The following NEK11 variants were observed in gnomAD, a reference collection of about 807,000 sequenced individuals.
NEK11 encodes serine/threonine-protein kinase Nek11.
Under a neutral mutation model 80.7 loss-of-function variants are expected in NEK11, and 72 were observed. That is an observed-to-expected ratio of 0.89 (90% CI 0.74 to 1.08). The LOEUF is 1.08. Ranked by LOEUF, NEK11 falls within the 50% of genes least tolerant of loss-of-function variation. NEK11 has a pLI of 0.00. For synonymous variants in NEK11, 251 were observed against 260.7 expected (o/e 0.96, Z 0.36); for missense variants, 764 against 763.6 (o/e 1.00, Z -0.01).
In NEK11 at chr3:131,216,400, G is replaced by A. The variant is rs150053185; in HGVS notation, c.1400-12128G>A. On this transcript the variant is annotated intron_variant, in intron 14 of 17. Transcript: ENST00000383366. ...TTTTATACTCAATTTTATTGGCAGC[G>A]AGGGCCTCATTGAAAGGGGAGAGTC... Among the ~76,000 whole-genome samples, 135 of 152,338 alleles carry A rather than the reference G, an allele frequency of 8.9e-4. 1 individual carries two copies. The highest frequency in any genetic ancestry group is 3.0e-3 in the African/African-American group (126 of 41,574).
At chr3:131,225,319 G>A (rs2095159421) in intron 14 of NEK11, among the ~76,000 whole-genome samples, 1 of 152,182 alleles carries the variant, frequency 6.6e-6, no homozygotes, top group Non-Finnish European at 1.5e-5. Flanking sequence ...AAACATAGAT[G>A]TGTAGTAGGT....
chr3:131,040,589 C>G (rs2066332140), intron 3 of NEK11, among the ~76,000 whole-genome samples: 1 of 152,174 alleles, frequency 6.6e-6, no homozygotes, highest in Admixed American at 6.5e-5. Context: ...TAATGATAAT[C>G]ATTATGAAAC....
intron 17 of NEK11, among the ~76,000 whole-genome samples, chr3:131,347,419 T>C (rs941020086): frequency 6.6e-6 from 1 of 152,210 alleles, no homozygotes; most frequent in Non-Finnish European, 1.5e-5. Flanking sequence ...TGCATTGTCA[T>C]GACCAGCCTT....
chr3:131,055,837 C>T (rs1282585310), intron 3 of NEK11, among the ~76,000 whole-genome samples: 1 of 152,130 alleles, frequency 6.6e-6, no homozygotes, highest in East Asian at 1.9e-4. Flanking sequence ...TGGTATTAAA[C>T]AGCAGTAAAT....
At chr3:131,235,681 C>G (rs765741506) in intron 15 of NEK11, among the ~76,000 whole-genome samples, 1 of 152,068 alleles carries the variant, frequency 6.6e-6, no homozygotes, top group Non-Finnish European at 1.5e-5. Context: ...TGTGCCAAAC[C>G]CTTTACATGC....
intron 17 of NEK11, among the ~76,000 whole-genome samples, chr3:131,345,256 A>G (rs982657955): frequency 1.3e-5 from 2 of 152,226 alleles, no homozygotes; most frequent in African/African-American, 4.8e-5. Context: ...GGAAAAGACA[A>G]CCTACAGACT....
chr3:131,231,553 T>C lies in NEK11; in HGVS notation c.1560+2865T>C, dbSNP rs748507588. Among the ~76,000 whole-genome samples the C allele has an allele frequency of 4.0e-4, 61 of 151,434 alleles. 1 individual carries two copies. The highest frequency in any genetic ancestry group is 1.2e-3 in the African/African-American group (49 of 41,332). On this transcript the variant is annotated intron_variant, in intron 15 of 17. Transcript: ENST00000383366. The stretch of plus-strand genomic sequence containing the variant: ...TTAGCAAAAAATAGAGTAATTTGTT[T>C]AGAGTAGCAAAAACAATTACACAAT...
chr3:131,079,927 G>A (rs1314010462), intron 3 of NEK11, among the ~76,000 whole-genome samples: 1 of 152,022 alleles, frequency 6.6e-6, no homozygotes, highest in Non-Finnish European at 1.5e-5. Flanking sequence ...CATACACAGA[G>A]GCAAAGAGAG....
At chr3:131,208,644 C>T (rs550993832) in intron 14 of NEK11, among the ~76,000 whole-genome samples, 1 of 152,246 alleles carries the variant, frequency 6.6e-6, no homozygotes, top group African/African-American at 2.4e-5. Flanking sequence ...TTTCGTGGAG[C>T]AGTGGTTTGT....
chr3:131,243,372 T>C (rs2095547098), intron 15 of NEK11, 64 bp from the exon 16 acceptor site: 1 of 1,452,644 alleles, frequency 6.9e-7, no homozygotes, highest in Non-Finnish European at 9.6e-7. Context: ...AGAACATTTT[T>C]CCATGTTATT....
chr3:131,344,353 A>G (rs1371870967), intron 17 of NEK11, among the ~76,000 whole-genome samples: 2 of 152,198 alleles, frequency 1.3e-5, no homozygotes, highest in African/African-American at 2.4e-5. Flanking sequence ...ACACCTTGTC[A>G]GCCTGGACTT....
chr3:131,315,107 A>T (rs1403977395), intron 17 of NEK11, among the ~76,000 whole-genome samples: 1 of 152,178 alleles, frequency 6.6e-6, no homozygotes, highest in Admixed American at 6.5e-5. Flanking sequence ...ATCATCTCAT[A>T]TAGTTTCTTT....
intron 14 of NEK11, 40 bp downstream of exon 14, chr3:131,170,927 T>G (rs757419562): frequency 8.2e-6 from 12 of 1,462,496 alleles, no homozygotes; most frequent in Non-Finnish European, 1.1e-5. Context: ...TGCTCACAGC[T>G]GCTGCACAGG....
At chr3:131,194,808 A>G (rs1219493655) in intron 14 of NEK11, among the ~76,000 whole-genome samples, 1 of 152,170 alleles carries the variant, frequency 6.6e-6, no homozygotes, top group Non-Finnish European at 1.5e-5. Context: ...TATATAGGAA[A>G]TATAAAGCAA....
intron 5 of NEK11, among the ~76,000 whole-genome samples, chr3:131,130,668 C>T (rs1362415753): frequency 6.6e-6 from 1 of 151,972 alleles, no homozygotes; most frequent in Non-Finnish European, 1.5e-5. Context: ...TTGATTTTTT[C>T]ATGTGATTTT....
intron 4 of NEK11, among the ~76,000 whole-genome samples, chr3:131,086,600 TGAG>T (rs1039852175): frequency 5.3e-5 from 8 of 152,192 alleles, no homozygotes; most frequent in African/African-American, 1.9e-4. Flanking sequence ...TATCCTTTTT[TGAG>T]GAGAAGTAAA....
chr3:131,073,263 T>G (rs1016472333), intron 3 of NEK11, among the ~76,000 whole-genome samples: 1 of 152,172 alleles, frequency 6.6e-6, no homozygotes, highest in Non-Finnish European at 1.5e-5. Flanking sequence ...TTTTTATTCA[T>G]GCAATATTTG....
intron 16 of NEK11, among the ~76,000 whole-genome samples, chr3:131,271,749 C>G (rs1173785407): frequency 6.7e-6 from 1 of 149,212 alleles, no homozygotes; most frequent in Admixed American, 6.7e-5. Flanking sequence ...GAGCCGAGAT[C>G]TCACTATTGC....
At chr3:131,192,561 TAAAC>T in intron 14 of NEK11, among the ~76,000 whole-genome samples, 1 of 152,220 alleles carries the variant, frequency 6.6e-6, no homozygotes, top group South Asian at 2.1e-4. Context: ...GATGAATGGA[TAAAC>T]AAAGTATAAC....
Sources: gnomAD v4.1 joint callset for allele counts (sites outside exome capture counted in the v4.1 genomes callset) on GRCh38, gnomAD v4.1.1 for gene constraint, MANE v1.5 for transcripts, NCBI Gene and HGNC (gene_info 2026-07-23, HGNC 2026-07-21) for gene names.